TASOR2: variants seen among roughly 807,000 people sequenced by gnomAD.
TASOR2 encodes protein TASOR 2.
A neutral mutation model predicts 199.5 loss-of-function variants in TASOR2; 84 were observed. The ratio of observed to expected loss-of-function variants is 0.42; its 90% CI spans 0.35 to 0.50. TASOR2 has a LOEUF of 0.50. Among genes scored for constraint, TASOR2 ranks in the 20% least tolerant of loss-of-function variants. TASOR2 has a pLI of 0.02. For synonymous variants in TASOR2, 1,103 were observed against 1,046.6 expected, an observed-to-expected ratio of 1.05 and a Z score of -1.04; for missense variants, 2,796 against 2,835.9, an observed-to-expected ratio of 0.99 and a Z score of 0.32.
exon 1 of TASOR2, chr10:5,684,853 C>T: frequency 2.5e-6 from 1 of 393,864 alleles, no homozygotes; most frequent in Non-Finnish European, 4.5e-6. Flanking sequence ...CGGTTGCTAG[C>T]GCCGGTCAGA....
intron 16 of TASOR2, among the ~76,000 whole-genome samples, chr10:5,757,126 A>G (rs1839073216): frequency 1.3e-5 from 2 of 150,792 alleles, no homozygotes; most frequent in Non-Finnish European, 3.0e-5. Context: ...ACTACGGACA[A>G]AGGCTGGGTG....
chr10:5,704,350 T>A (rs1163017423), intron 1 of TASOR2, among the ~76,000 whole-genome samples: 1 of 152,172 alleles, frequency 6.6e-6, no homozygotes, highest in African/African-American at 2.4e-5. Context: ...AGGTATATTC[T>A]GTTTTCTTAA....
At position 5,742,601 on chromosome 10, in the gene TASOR2, C is replaced by A. The variant is rs1356516305; in HGVS notation, c.2757+75C>A. 3.7e-6 allele frequency: 5 copies of A among 1,368,266 alleles called. No individual in the cohort carries two copies. Among genetic ancestry groups the A allele is most frequent in the Non-Finnish European group, 3.0e-6 (3 of 995,200 alleles). 84.8% of individuals were successfully genotyped at this position (1,368,266 alleles called of 1,614,324 possible). A position where few individuals can be genotyped will look rare whatever the true frequency, so the allele number is the denominator to read the frequency against. On this transcript the variant is annotated intron_variant, in intron 14 of 20. Coordinates refer to ENST00000328090, the Ensembl canonical transcript of TASOR2. This position sits in a 1 kb window ranked among gnomAD's most constrained non-coding sequence, Gnocchi z 4.2. Reference sequence around the variant, plus strand: ...AAATGTTTATATGTAAAATCACATTCAAAACAAGGCATTTTTAAATTTTAG... The same window carrying A: ...AAATGTTTATATGTAAAATCACATTAAAAACAAGGCATTTTTAAATTTTAG...
intron 11 of TASOR2, among the ~76,000 whole-genome samples, chr10:5,733,559 A>G (rs1349647137): frequency 6.6e-6 from 1 of 152,232 alleles, no homozygotes; most frequent in African/African-American, 2.4e-5. Flanking sequence ...CCACCAGTGG[A>G]TTAATTGCAT....
In TASOR2 at chr10:5,737,885, T is replaced by G. The variant is rs929797698; in HGVS notation, c.1448-1733T>G. Among the ~76,000 whole-genome samples the G allele has an allele frequency of 3.3e-5, 5 of 152,240 alleles. No homozygotes were observed. Among genetic ancestry groups the G allele is most frequent in the African/African-American group, 1.2e-4 (5 of 41,466 alleles). ...AGAAAATTTAAAGTTTCAAAATGTG[T>G]GTTCAAATACAGGCTGATTTGTATT... is the stretch of plus-strand genomic sequence containing the variant. On this transcript the variant is annotated intron_variant, in intron 12 of 20. Transcript: ENST00000328090. This position sits in a 1 kb window ranked among gnomAD's most constrained non-coding sequence, Gnocchi z 4.9.
intron 14 of TASOR2, among the ~76,000 whole-genome samples, chr10:5,745,644 G>A (rs1225743733): frequency 6.6e-6 from 1 of 151,982 alleles, no homozygotes; most frequent in Admixed American, 6.6e-5. Flanking sequence ...GCCGGGCATG[G>A]TGGCATGTAC....
In TASOR2 at chr10:5,687,257, C is replaced by T. The variant is rs1488561341; in HGVS notation, c.-288+2082C>T. 2.0e-5 allele frequency among the ~76,000 whole-genome samples: 3 copies of T among 152,180 alleles called. No homozygotes were observed. Among genetic ancestry groups the T allele is most frequent in the African/African-American group, 7.2e-5 (3 of 41,438 alleles). On this transcript the variant is annotated intron_variant, in intron 1 of 20. Transcript: ENST00000328090. The surrounding 1 kb of genome is among the most constrained non-coding windows in gnomAD (Gnocchi z 4.8). Reference sequence around the variant, plus strand: ...GTGTGTTTCTACCCCAGGAGGAATGCGTTCCCTGCCCCCCGTTACCCTGGC... The same window carrying T: ...GTGTGTTTCTACCCCAGGAGGAATGTGTTCCCTGCCCCCCGTTACCCTGGC...
Position 5,740,315 on chromosome 10 carries a change from G to A in TASOR2, c.2145G>A (p.Val715=). 2 of 1,614,152 alleles carry A rather than the reference G, an allele frequency of 1.2e-6. No individual in the cohort carries two copies. The highest frequency in any genetic ancestry group is 1.7e-6 in the Non-Finnish European group (2 of 1,180,036). The change falls in exon 13 of 21, where the codon GTG becomes GTA. Residue 715 remains valine (V), a synonymous_variant. Coordinates refer to ENST00000328090, the Ensembl canonical transcript of TASOR2. This position sits in a 1 kb window ranked among gnomAD's most constrained non-coding sequence, Gnocchi z 5.3. The stretch of plus-strand genomic sequence containing the variant: ...AGCAAAAGCCTCCTGACGACCCCGT[G>A]GTGAAGCCCAAGGATCGACCACCGT...
exon 15 of TASOR2, chr10:5,746,895 C>G (rs1382687692): frequency 3.7e-6 from 6 of 1,614,072 alleles, no homozygotes; most frequent in Non-Finnish European, 5.1e-6. Context: ...AAACAATGGT[C>G]ATGGAGGCAC....
chr10:5,755,837 A>G (rs1838851870), intron 15 of TASOR2, among the ~76,000 whole-genome samples: 3 of 151,130 alleles, frequency 2.0e-5, no homozygotes, highest in Admixed American at 1.3e-4. Context: ...TACCAAAAAG[A>G]AAAAAAAAGC....
chr10:5,687,345 T>G lies in TASOR2; in HGVS notation c.-288+2170T>G, dbSNP rs1835918576. On this transcript the variant is annotated intron_variant, in intron 1 of 20. Transcript: ENST00000328090. This position sits in a 1 kb window ranked among gnomAD's most constrained non-coding sequence, Gnocchi z 4.8. ...TAAACAGTTTTATCACCTATATAGA[T>G]ATCCTTAACTAGCATTGTTTACTCT... 6.6e-6 allele frequency among the ~76,000 whole-genome samples: 1 copy of G among 152,240 alleles called. No individual in the cohort carries two copies. The highest frequency in any genetic ancestry group is 1.5e-5 in the Non-Finnish European group (1 of 68,034).
chr10:5,699,447 A>C lies in TASOR2; in HGVS notation c.-287-13376A>C, dbSNP rs1009580073. 6.6e-6 allele frequency: 1 copy of C among 152,214 alleles called. No homozygotes were observed. Among genetic ancestry groups the C allele is most frequent in the African/African-American group, 2.4e-5 (1 of 41,466 alleles). 9.4% of individuals were successfully genotyped at this position (152,214 alleles called of 1,614,324 possible). ...ATATACTAAGCACAATTCTGTGGAT[A>C]TACTAAAAGCAATTGAATTGTACAC... On this transcript the variant is annotated intron_variant, in intron 1 of 20. Coordinates refer to ENST00000328090, the Ensembl canonical transcript of TASOR2. The surrounding 1 kb of genome is among the most constrained non-coding windows in gnomAD (Gnocchi z 4.1).
intron 1 of TASOR2, among the ~76,000 whole-genome samples, chr10:5,704,156 G>A (rs545380426): frequency 9.3e-4 from 139 of 149,926 alleles, no homozygotes; most frequent in African/African-American, 3.3e-3. Flanking sequence ...CCTGGGAGGC[G>A]AAAGTTGCCG....
chr10:5,693,605 C>G (rs1836765881), intron 1 of TASOR2, among the ~76,000 whole-genome samples: 1 of 152,192 alleles, frequency 6.6e-6, no homozygotes, highest in Non-Finnish European at 1.5e-5. Context: ...GAGTTCAAGA[C>G]CAACCTGGGC....
chr10:5,685,532 G>C lies in TASOR2; in HGVS notation c.-288+357G>C, dbSNP rs1376839536. ...AAGTTTCCGTCTTCGGGTTTGCACC[G>C]GCTGGGAAATCATTTCCTGCGGGTT... On this transcript the variant is annotated intron_variant, in intron 1 of 20. Coordinates refer to ENST00000328090, the Ensembl canonical transcript of TASOR2. This position sits in a 1 kb window ranked among gnomAD's most constrained non-coding sequence, Gnocchi z 5.4. 1.3e-5 allele frequency among the ~76,000 whole-genome samples: 2 copies of C among 152,192 alleles called. No homozygotes were observed. Among genetic ancestry groups the C allele is most frequent in the African/African-American group, 4.8e-5 (2 of 41,438 alleles).
At position 5,689,497 on chromosome 10, in the gene TASOR2, G is replaced by A. The variant is rs542126078; in HGVS notation, c.-288+4322G>A. ...CGCCTGTAGTCCCAGCTACTCGGGA[G>A]GCTGAGGCAGAAGAATTGCTTGAAC... On this transcript the variant is annotated intron_variant, in intron 1 of 20. Transcript: ENST00000328090. The surrounding 1 kb of genome is among the most constrained non-coding windows in gnomAD (Gnocchi z 4.1). Among the ~76,000 whole-genome samples, 8 of 152,230 alleles carry A rather than the reference G, an allele frequency of 5.3e-5. No homozygotes were observed. The highest frequency in any genetic ancestry group is 5.2e-4 in the Admixed American group (8 of 15,288).
exon 15 of TASOR2, chr10:5,747,957 A>G (rs1417850605): frequency 1.2e-6 from 2 of 1,613,748 alleles, no homozygotes; most frequent in South Asian, 1.1e-5. Flanking sequence ...ATGAGGGTTT[A>G]TCTTTCTCAG....
chr10:5,712,421 ACT>A (rs1832044521), intron 1 of TASOR2: 1 of 1,231,266 alleles, frequency 8.1e-7, no homozygotes, highest in Non-Finnish European at 1.0e-6. Context: ...TTGAGTTCAG[ACT>A]CTCTCTTCCA....
chr10:5,704,078 G>A (rs1449236008), intron 1 of TASOR2, among the ~76,000 whole-genome samples: 2 of 151,854 alleles, frequency 1.3e-5, no homozygotes, highest in Non-Finnish European at 2.9e-5. Flanking sequence ...ACAAAAATTA[G>A]CTGGGCCTGG....
Sources: allele counts gnomAD v4.1 joint callset (sites outside exome capture counted in the v4.1 genomes callset), GRCh38; gene constraint gnomAD v4.1.1; non-coding constraint Gnocchi (gnomAD v3.1); transcripts MANE v1.5; gene names NCBI Gene and HGNC (gene_info 2026-07-23, HGNC 2026-07-21).